The following TCF12 variants were observed in gnomAD, a reference collection of about 807,000 sequenced individuals.
TCF12 encodes the protein DNA-binding protein HTF4.
In TCF12, 45 loss-of-function variants were observed where a neutral mutation model predicts 86.0. The observed-to-expected ratio is 0.52, with a 90% confidence interval of 0.41 to 0.67. The LOEUF (loss-of-function observed/expected upper bound fraction) is 0.67. TCF12 is among the 30% of genes least tolerant of loss of function. The probability of loss-of-function intolerance (pLI) is 0.00; values close to 1 mark genes in which losing one functional copy is unlikely to be tolerated. For synonymous variants in TCF12, 330 were observed against 299.6 expected (o/e 1.10, Z -1.05); for missense variants, 881 against 859.9 (o/e 1.02, Z -0.31).
chr15:57,215,415 A>C (rs918857633), intron 8 of TCF12, among the ~76,000 whole-genome samples: 13 of 152,068 alleles, frequency 8.5e-5, no homozygotes, highest in African/African-American at 3.1e-4. Flanking sequence ...TTACTTACCG[A>C]GTTCATCCTT....
upstream of TCF12, chr15:56,918,202 C>G: frequency 2.2e-6 from 1 of 456,260 alleles, no homozygotes; most frequent in South Asian, 1.5e-5. Context: ...TCCAGCGTGA[C>G]CTACTCGGGA....
At chr15:56,949,131 T>C (rs2061149921) in intron 3 of TCF12, among the ~76,000 whole-genome samples, 1 of 152,262 alleles carries the variant, frequency 6.6e-6, no homozygotes, top group South Asian at 2.1e-4. Context: ...TACATTAAAT[T>C]GTTTTAAATG....
chr15:57,157,997 C>A (rs2054233699), intron 5 of TCF12, among the ~76,000 whole-genome samples: 1 of 151,952 alleles, frequency 6.6e-6, no homozygotes, highest in Non-Finnish European at 1.5e-5. Context: ...ATGTTCTCTT[C>A]TGGCCATTCT....
chr15:57,264,403 G>C (rs2060748333), intron 18 of TCF12, among the ~76,000 whole-genome samples: 1 of 151,438 alleles, frequency 6.6e-6, no homozygotes, highest in African/African-American at 2.4e-5. Flanking sequence ...GTTTCACCAT[G>C]TTGGCCAGGC....
At chr15:57,020,163 A>G (rs1212858095) in intron 3 of TCF12, among the ~76,000 whole-genome samples, 1 of 152,226 alleles carries the variant, frequency 6.6e-6, no homozygotes, top group African/African-American at 2.4e-5. Context: ...AAGGAAGAGT[A>G]TGTAAGATAG....
rs148084541 is a variant in TCF12 at position 57,057,016 on chromosome 15, T to C, written c.149-6734T>C. Reference sequence around the variant, plus strand: ...TTATTTGTGGAAATTGTGGCTTATTTTCATGTTCTTCCAAAGAGTTTTGAT... The same window carrying C: ...TTATTTGTGGAAATTGTGGCTTATTCTCATGTTCTTCCAAAGAGTTTTGAT... On this transcript the variant is annotated intron_variant, in intron 3 of 20. Transcript: ENST00000333725. Among the ~76,000 whole-genome samples the C allele has an allele frequency of 3.3e-3, 506 of 152,300 alleles. 2 individuals are homozygous for C. The highest frequency in any genetic ancestry group is 0.012 in the African/African-American group (486 of 41,558).
chr15:56,933,688 A>T (rs2060345148), intron 3 of TCF12, among the ~76,000 whole-genome samples: 1 of 152,006 alleles, frequency 6.6e-6, no homozygotes, highest in African/African-American at 2.4e-5. Context: ...TAAAATGTGG[A>T]GGTTTGTGGT....
chr15:57,045,616 G>A (rs1171051766), intron 3 of TCF12, among the ~76,000 whole-genome samples: 2 of 152,076 alleles, frequency 1.3e-5, no homozygotes, highest in Non-Finnish European at 2.9e-5. Context: ...CATAATCATG[G>A]CTCACTGCAG....
chr15:57,098,342 A>G (rs2049485560), intron 5 of TCF12, among the ~76,000 whole-genome samples: 1 of 151,962 alleles, frequency 6.6e-6, no homozygotes, highest in South Asian at 2.1e-4. Flanking sequence ...CTTTTTCTAC[A>G]TTATAGCTCT....
chr15:57,179,534 GAA>G (rs1170736544), intron 6 of TCF12, among the ~76,000 whole-genome samples: 1 of 150,820 alleles, frequency 6.6e-6, no homozygotes, highest in Non-Finnish European at 1.5e-5. Flanking sequence ...CATCTCAAAA[GAA>G]ATTTTTTTTT....
At chr15:56,959,977 T>C (rs767334363) in intron 3 of TCF12, among the ~76,000 whole-genome samples, 1 of 152,102 alleles carries the variant, frequency 6.6e-6, no homozygotes, top group Non-Finnish European at 1.5e-5. Flanking sequence ...TAAACTTAGG[T>C]TGGTGCAAAA....
chr15:57,006,351 C>T (rs924143844), intron 3 of TCF12, among the ~76,000 whole-genome samples: 6 of 151,994 alleles, frequency 3.9e-5, no homozygotes, highest in Non-Finnish European at 7.4e-5. Context: ...GTCACCCAGG[C>T]TGGAGTCCAG....
chr15:57,068,583 G>A, intron 4 of TCF12, among the ~76,000 whole-genome samples: 1 of 152,098 alleles, frequency 6.6e-6, no homozygotes. Context: ...AGTCTCTCTA[G>A]TATAACACCT....
At chr15:57,094,241 T>G (rs2049173525) in intron 5 of TCF12, among the ~76,000 whole-genome samples, 1 of 152,192 alleles carries the variant, frequency 6.6e-6, no homozygotes, top group African/African-American at 2.4e-5. Flanking sequence ...AAATGTTTAC[T>G]TATACATAAA....
At chr15:57,000,152 A>G (rs1596042441) in intron 3 of TCF12, among the ~76,000 whole-genome samples, 1 of 151,180 alleles carries the variant, frequency 6.6e-6, no homozygotes, top group African/African-American at 2.5e-5. Context: ...GACCTTTTGT[A>G]ATCTACTTCA....
intron 8 of TCF12, among the ~76,000 whole-genome samples, chr15:57,227,345 C>T (rs2414492): frequency 0.39 from 59,512 of 152,004 alleles, 14,536 homozygotes; most frequent in Non-Finnish European, 0.54. Flanking sequence ...CAGCTCCAGC[C>T]TCTAGAGCTG....
At chr15:56,953,850 CAAAG>C (rs1369918071) in intron 3 of TCF12, among the ~76,000 whole-genome samples, 2 of 145,266 alleles carry the variant, frequency 1.4e-5, no homozygotes, top group African/African-American at 5.0e-5. Flanking sequence ...TTGATGTTCT[CAAAG>C]AACCAGCTTT....
intron 8 of TCF12, among the ~76,000 whole-genome samples, chr15:57,217,004 TG>T (rs1215196825): frequency 2.0e-5 from 3 of 152,138 alleles, no homozygotes; most frequent in African/African-American, 4.8e-5. Flanking sequence ...TTGTTGTTGT[TG>T]TTTTTTTAAG....
intron 15 of TCF12, 21 bp downstream of exon 15, chr15:57,252,513 T>A: frequency 2.5e-6 from 4 of 1,602,374 alleles, no homozygotes; most frequent in Non-Finnish European, 3.4e-6. Context: ...TTTTAGATGG[T>A]GCCTTTTTTG....
Sources: gnomAD v4.1 joint callset for allele counts (sites outside exome capture counted in the v4.1 genomes callset) on GRCh38, gnomAD v4.1.1 for gene constraint, MANE v1.5 for transcripts, NCBI Gene and HGNC (gene_info 2026-07-23, HGNC 2026-07-21) for gene names.